OSBPL10: variants seen among roughly 807,000 people sequenced by gnomAD.
The protein encoded by OSBPL10 is oxysterol binding protein like 10, also known as oxysterol-binding protein-related protein 10.
In OSBPL10, 49 loss-of-function variants were observed where a neutral mutation model predicts 81.7. The ratio of observed to expected loss-of-function variants is 0.60; its 90% CI spans 0.48 to 0.76. OSBPL10 has a LOEUF of 0.76. Among genes scored for constraint, OSBPL10 ranks in the 30% least tolerant of loss-of-function variants. OSBPL10 has a pLI of 0.00. For missense variants in OSBPL10, 923 were observed against 987.8 expected, an observed-to-expected ratio of 0.93 and a Z score of 0.88; for synonymous variants, 419 against 383.6, an observed-to-expected ratio of 1.09 and a Z score of -1.08.
At chr3:31,984,267 C>T (rs535054431), upstream of OSBPL10, among the ~76,000 whole-genome samples, 2 of 151,684 alleles carry the variant, frequency 1.3e-5, no homozygotes, top group Non-Finnish European at 2.9e-5. Flanking sequence ...GTCTCGATCT[C>T]GTGACCTCGT....
chr3:31,832,456 T>A (rs1700267823), intron 3 of OSBPL10, among the ~76,000 whole-genome samples: 1 of 152,236 alleles, frequency 6.6e-6, no homozygotes, highest in African/African-American at 2.4e-5. Flanking sequence ...AGTTAGATAA[T>A]GTGGAAATCA....
intron 2 of OSBPL10, chr3:32,037,516 G>T (rs1049195770): frequency 1.0e-5 from 2 of 190,518 alleles, no homozygotes; most frequent in Non-Finnish European, 2.2e-5. Flanking sequence ...TTTTTTTAAC[G>T]AGAAAAGATA....
chr3:31,774,340 T>TGA (rs746595788), intron 4 of OSBPL10, among the ~76,000 whole-genome samples: 1 of 151,954 alleles, frequency 6.6e-6, no homozygotes, highest in Non-Finnish European at 1.5e-5. Context: ...TCCAATAAAT[T>TGA]GACTTTAGAG....
At chr3:31,810,770 G>A (rs561365462) in intron 4 of OSBPL10, among the ~76,000 whole-genome samples, 1 of 152,272 alleles carries the variant, frequency 6.6e-6, no homozygotes, top group African/African-American at 2.4e-5. Flanking sequence ...AAATGCAAAA[G>A]GTTTGACGGC....
At chr3:31,694,951 T>C (rs1463698079) in intron 7 of OSBPL10, among the ~76,000 whole-genome samples, 1 of 152,102 alleles carries the variant, frequency 6.6e-6, no homozygotes, top group Non-Finnish European at 1.5e-5. Flanking sequence ...ACAGGGTTTT[T>C]CCATGTTGGT....
intron 1 of OSBPL10, among the ~76,000 whole-genome samples, chr3:31,906,384 T>C (rs1696409083): frequency 6.6e-6 from 1 of 152,190 alleles, no homozygotes; most frequent in Admixed American, 6.6e-5. Flanking sequence ...CGATTAAACA[T>C]AGCTCTGGGC....
At chr3:31,678,161 A>G (rs935970563) in intron 8 of OSBPL10, among the ~76,000 whole-genome samples, 2 of 151,484 alleles carry the variant, frequency 1.3e-5, no homozygotes, top group African/African-American at 4.8e-5. Flanking sequence ...AAAGGACCTC[A>G]TCACTCTCTC....
chr3:32,013,164 C>T (rs978309646), intron 2 of OSBPL10, among the ~76,000 whole-genome samples: 33 of 152,198 alleles, frequency 2.2e-4, no homozygotes, highest in African/African-American at 7.5e-4. Flanking sequence ...CCACACTGCA[C>T]TTATTCCAAA....
At chr3:31,831,055 C>T (rs1346315409) in intron 3 of OSBPL10, among the ~76,000 whole-genome samples, 1 of 152,086 alleles carries the variant, frequency 6.6e-6, no homozygotes, top group Non-Finnish European at 1.5e-5. Context: ...GAAAAACAAA[C>T]AGTACTAGAA....
At chr3:31,932,705 C>A (rs1481530288) in intron 1 of OSBPL10, among the ~76,000 whole-genome samples, 2 of 151,890 alleles carry the variant, frequency 1.3e-5, no homozygotes, top group East Asian at 1.9e-4. Flanking sequence ...TTCTCCTCCC[C>A]CTCCTTCTTC....
Position 31,688,279 on chromosome 3 carries a change from T to A in OSBPL10, c.1246-4165A>T, listed in dbSNP as rs1446319770. ...CTCCCTGCACAAATCTCTCTCTCTC[T>A]CTCTCACACACACACACACACACAC... On this transcript the variant is annotated intron_variant, in intron 7 of 11. Coordinates refer to ENST00000396556, the MANE Select transcript of OSBPL10 (RefSeq NM_017784.5). Among the ~76,000 whole-genome samples the A allele has an allele frequency of 3.1e-3, 243 of 77,866 alleles. 3 individuals are homozygous for A. The highest frequency in any genetic ancestry group is 7.4e-3 in the African/African-American group (221 of 29,952). The allele number at this position is 77,866 out of a possible 152,430, so 51.1% of individuals were successfully genotyped here.
chr3:31,716,839 T>G (rs1487228546), intron 6 of OSBPL10, among the ~76,000 whole-genome samples: 1 of 152,218 alleles, frequency 6.6e-6, no homozygotes, highest in African/African-American at 2.4e-5. Context: ...TAAGGGTGAT[T>G]ATATTTTCAT....
intron 1 of OSBPL10, among the ~76,000 whole-genome samples, chr3:31,935,786 T>C (rs1216537842): frequency 6.6e-6 from 1 of 152,060 alleles, no homozygotes; most frequent in African/African-American, 2.4e-5. Flanking sequence ...CCTCGCAAAG[T>C]CCTGGGATTA....
intron 4 of OSBPL10, among the ~76,000 whole-genome samples, chr3:31,793,906 A>G (rs1699105618): frequency 6.6e-6 from 1 of 152,258 alleles, no homozygotes; most frequent in South Asian, 2.1e-4. Context: ...AAAATACAGA[A>G]TAACAACTCT....
chr3:31,773,181 A>T (rs1698431693), intron 4 of OSBPL10, among the ~76,000 whole-genome samples: 1 of 152,140 alleles, frequency 6.6e-6, no homozygotes, highest in African/African-American at 2.4e-5. Context: ...GAGTGGCCTC[A>T]CATACAGATT....
At chr3:31,876,183 A>G (rs983365861) in intron 3 of OSBPL10, among the ~76,000 whole-genome samples, 2 of 152,110 alleles carry the variant, frequency 1.3e-5, no homozygotes, top group Non-Finnish European at 2.9e-5. Flanking sequence ...TAAATTGACA[A>G]CAGAATGCAA....
intron 4 of OSBPL10, among the ~76,000 whole-genome samples, chr3:31,807,232 T>C (rs1169447997): frequency 6.6e-6 from 1 of 151,802 alleles, no homozygotes; most frequent in African/African-American, 2.4e-5. Flanking sequence ...ATACAAAAAT[T>C]AGCCAGGCGT....
At chr3:31,867,138 G>A (rs1701199303) in intron 3 of OSBPL10, among the ~76,000 whole-genome samples, 1 of 152,106 alleles carries the variant, frequency 6.6e-6, no homozygotes. Context: ...GGGACCTACT[G>A]CCATCCTCAG....
In OSBPL10 at chr3:31,837,321, TTATATATATATATATATATA is replaced by T. The variant is rs59797512; in HGVS notation, c.538-7110_538-7091del. 6.9e-3 allele frequency among the ~76,000 whole-genome samples: 408 copies of T among 59,052 alleles called. 1 individual carries two copies. Among genetic ancestry groups the T allele is most frequent in the African/African-American group, 0.01 (200 of 19,086 alleles). 38.7% of individuals were successfully genotyped at this position (59,052 alleles called of 152,430 possible). ...ATTCCTAGAATTACAGATCCCCAAA[TTATATATATATATATATATA>T]TATATATATATATATATATATATAT... On this transcript the variant is annotated intron_variant, in intron 3 of 11. Transcript: ENST00000396556.
Sources: gnomAD v4.1 joint callset for allele counts (sites outside exome capture counted in the v4.1 genomes callset) on GRCh38, gnomAD v4.1.1 for gene constraint, MANE v1.5 for transcripts, NCBI Gene and HGNC (gene_info 2026-07-23, HGNC 2026-07-21) for gene names.